Variants in MIDN observed in about 807,000 individuals in gnomAD.
MIDN encodes midnolin, also known as midbrain nucleolar protein.
A neutral mutation model predicts 46.1 loss-of-function variants in MIDN; 26 were observed. The observed-to-expected ratio is 0.56, with a 90% CI of 0.41 to 0.78. The LOEUF is 0.78. Ranked by LOEUF, MIDN falls within the 30% of genes least tolerant of loss-of-function variation. MIDN has a pLI of 0.00. For missense variants in MIDN, 850 were observed against 771.8 expected, an observed-to-expected ratio of 1.10 and a Z score of -1.20; for synonymous variants, 432 against 343.3, an observed-to-expected ratio of 1.26 and a Z score of -2.86.
intron 2 of MIDN, among the ~76,000 whole-genome samples, chr19:1,250,848 G>A (rs1316462399): frequency 6.6e-6 from 1 of 152,016 alleles, no homozygotes; most frequent in Admixed American, 6.5e-5. Context: ...GCCTGCGTCC[G>A]CGCCGGCTTC....
rs562682759 is a variant in MIDN, at chr19:1,256,481, CA to C, written c.1259-496del. On this transcript the variant is annotated intron_variant, in intron 8 of 8. Coordinates refer to ENST00000682408, the MANE Select transcript of MIDN (RefSeq NM_001388306.1). ...TGGGCGACAGAGCGAGACTCCGTCT[CA>C]AAAAAAAAAAAAAAAAACCAAGGTA... Among the ~76,000 whole-genome samples the C allele has an allele frequency of 3.5e-3, 200 of 56,496 alleles. 1 individual carries two copies. Among genetic ancestry groups the C allele is most frequent in the Middle Eastern group, 0.012 (1 of 82 alleles). The allele number at this position is 56,496 out of a possible 152,430, so 37.1% of individuals were successfully genotyped here. A position where few individuals can be genotyped will look rare whatever the true frequency, so the allele number is the denominator to read the frequency against.
intron 5 of MIDN, 33 bp from the exon 6 acceptor site, chr19:1,254,134 G>A (rs1189563188): frequency 6.3e-7 from 1 of 1,575,342 alleles, no homozygotes; most frequent in Non-Finnish European, 8.6e-7. Context: ...CCGCAAGCTG[G>A]GGCTCCCAGC....
chr19:1,251,616 G>A lies in MIDN; in HGVS notation c.288G>A (p.Leu96=). The A allele has an allele frequency of 6.2e-7, 1 of 1,607,648 alleles. No individual in the cohort carries two copies. Among genetic ancestry groups the A allele is most frequent in the Non-Finnish European group, 8.5e-7 (1 of 1,177,924 alleles). Residue 96 remains leucine, a synonymous_variant, in exon 3 of 9, where the codon CTG becomes CTA. Transcript: ENST00000682408. The part of the protein sequence containing the change: ...QEFGVGDGSK[L]TLVPTVEAGL... Reference sequence around the variant, plus strand: ...TCGGCGTGGGTGATGGCAGCAAGCTGACCTTGGTACCCACCGTGGAAGCGG... The same window carrying A: ...TCGGCGTGGGTGATGGCAGCAAGCTAACCTTGGTACCCACCGTGGAAGCGG...
At chr19:1,251,486 C>A in intron 2 of MIDN, 76 bp from the exon 3 acceptor site, 1 of 1,327,540 alleles carries the variant, frequency 7.5e-7, no homozygotes, top group East Asian at 2.4e-5. Flanking sequence ...ACAAGCACAG[C>A]CCTCCCCCGC....
chr19:1,255,054 C>T lies in MIDN; in HGVS notation c.978C>T (p.Thr326=). 1.9e-6 allele frequency: 3 copies of T among 1,612,216 alleles called. No homozygotes were observed. Among genetic ancestry groups the T allele is most frequent in the Non-Finnish European group, 2.5e-6 (3 of 1,179,130 alleles). Residue 326 remains threonine, a synonymous_variant, in exon 7 of 9, where the codon ACC becomes ACT. Transcript: ENST00000682408. ...VNHAPGVFSG[T]FSGTLHPNCQ... is the part of the protein sequence containing the mutation. ...ACGCCCCGGGGGTCTTCTCAGGGAC[C>T]TTCTCTGGTAGGTGTCACAGCACAT... is the stretch of plus-strand genomic sequence containing the variant.
Position 1,249,645 on chromosome 19 carries a change from C to T in MIDN, c.-407-245C>T, listed in dbSNP as rs1436513993. Among the ~76,000 whole-genome samples, 5 of 148,226 alleles carry T rather than the reference C, an allele frequency of 3.4e-5. No homozygotes were observed. In the East Asian group the frequency reaches 1.0e-3, roughly 30 times the overall value. On this transcript the variant is annotated intron_variant, in intron 1 of 8. Coordinates refer to ENST00000682408, the MANE Select transcript of MIDN (RefSeq NM_001388306.1). ...GCGCGGAGAGGCGCCAGCCCCGCCCCCGCTGCGCTCCCCTTGGTCGCCTGG... is the reference window on the plus strand; with the variant it reads ...GCGCGGAGAGGCGCCAGCCCCGCCCTCGCTGCGCTCCCCTTGGTCGCCTGG...
intron 4 of MIDN, chr19:1,253,546 T>G (rs1315423506): frequency 1.3e-5 from 2 of 154,646 alleles, no homozygotes; most frequent in Non-Finnish European, 2.9e-5. Context: ...ATTGAGGGTT[T>G]CTGTGCTTGG....
chr19:1,249,861 CTT>C (rs1028086422), intron 1 of MIDN, 27 bp from the exon 2 acceptor site: 1 of 151,882 alleles, frequency 6.6e-6, no homozygotes, highest in Non-Finnish European at 1.5e-5. Context: ...TACATTATAA[CTT>C]TTTTTTCTTG....
At position 1,250,280 on chromosome 19, in the gene MIDN, C is replaced by A. The variant is rs2081107775; in HGVS notation, c.-17C>A. The A allele has an allele frequency of 1.0e-6, 1 of 970,676 alleles. No individual in the cohort carries two copies. Among genetic ancestry groups the A allele is most frequent in the South Asian group, 4.7e-5 (1 of 21,258 alleles). The allele number at this position is 970,676 out of a possible 1,614,324, so 60.1% of individuals were successfully genotyped here. A position where few individuals can be genotyped will look rare whatever the true frequency, so the allele number is the denominator to read the frequency against. ...TGGCGGCGCCCGCCGCCCCCAGCCC[C>A]CCAGCGCGCGCCGGGGATGGAGCCG... On this transcript the variant is annotated 5_prime_UTR_variant, in exon 2 of 9. Transcript: ENST00000682408.
rs1030399881 is a variant in MIDN, at chr19:1,257,405, T to C, written c.*133T>C. 6 of 665,652 alleles carry C rather than the reference T, an allele frequency of 9.0e-6. No homozygotes were observed. The highest frequency in any genetic ancestry group is 7.6e-5 in the African/African-American group (4 of 52,942). The allele number at this position is 665,652 out of a possible 1,614,324, so 41.2% of individuals were successfully genotyped here. A position where few individuals can be genotyped will look rare whatever the true frequency, so the allele number is the denominator to read the frequency against. On this transcript the variant is annotated 3_prime_UTR_variant, in exon 9 of 9. Transcript: ENST00000682408. Reference sequence around the variant, plus strand: ...CCCCCAGCCAGAAGTCTTTTTTTCTTTTCTTCTTTTTTATTATTTTTTTCT... The same window carrying C: ...CCCCCAGCCAGAAGTCTTTTTTTCTCTTCTTCTTTTTTATTATTTTTTTCT...
At chr19:1,256,280 G>T (rs2081197990) in intron 8 of MIDN, among the ~76,000 whole-genome samples, 1 of 152,182 alleles carries the variant, frequency 6.6e-6, no homozygotes, top group African/African-American at 2.4e-5. Context: ...TCAGGAGATC[G>T]AGACCATCTT....
Position 1,255,595 on chromosome 19 carries a change from G to A in MIDN, c.1159G>A (p.Asp387Asn), listed in dbSNP as rs537901815. The A allele has an allele frequency of 1.2e-5, 19 of 1,610,120 alleles. No homozygotes were observed. Among genetic ancestry groups the A allele is most frequent in the East Asian group, 6.7e-5 (3 of 44,878 alleles). ...GTGCTCCCCGGCCTCACCGGCCCCC[G>A]ACCTGGCCCCCAGAACTACCTCCTG... is the stretch of plus-strand genomic sequence containing the variant. The part of the protein sequence containing the change: ...AQCSPASPAP[D>N]LAPRTTSCEK... Residue 387 changes from aspartate (D) to asparagine (N), a missense_variant, in exon 8 of 9, where the codon GAC (aspartate) becomes AAC (asparagine). By Grantham distance (23) the Asp-to-Asn change is conservative. Coordinates refer to ENST00000682408, the MANE Select transcript of MIDN (RefSeq NM_001388306.1).
intron 1 of MIDN, among the ~76,000 whole-genome samples, chr19:1,249,358 G>A (rs1163671608): frequency 1.3e-5 from 2 of 150,464 alleles, no homozygotes; most frequent in Non-Finnish European, 3.0e-5. Context: ...CCCCGGCCAC[G>A]AGGCGCGGAC....
In MIDN at chr19:1,257,437, A is replaced by G. The variant is rs1353605655; in HGVS notation, c.*165A>G. ...TTTTTTATTATTTTTTTCTTTTTTT[A>G]AAAAGTTCTGACCGTGGTTTCCTGG... is the stretch of plus-strand genomic sequence containing the variant. On this transcript the variant is annotated 3_prime_UTR_variant, in exon 9 of 9. Transcript: ENST00000682408. The G allele has an allele frequency of 5.0e-6, 3 of 603,730 alleles. No individual in the cohort carries two copies. The African/African-American group carries it at 5.8e-5, about 12-fold the overall frequency. The allele number at this position is 603,730 out of a possible 1,614,324, so 37.4% of individuals were successfully genotyped here.
Position 1,257,274 on chromosome 19 carries a change from A to C in MIDN, c.*2A>C. On this transcript the variant is annotated 3_prime_UTR_variant, in exon 9 of 9. Transcript: ENST00000682408. ...AAGTCAGAGTTCGTGGTGGCTTAGG[A>C]TCTTCGGATCGGCCACCCTCGCCCC... 1 of 1,611,020 alleles carries C rather than the reference A, an allele frequency of 6.2e-7. No homozygotes were observed. Among genetic ancestry groups the C allele is most frequent in the Non-Finnish European group, 8.5e-7 (1 of 1,179,134 alleles).
rs900524174 is a variant in MIDN, at chr19:1,257,545, C to G, written c.*273C>G. On this transcript the variant is annotated 3_prime_UTR_variant, in exon 9 of 9. Transcript: ENST00000682408. ...CTCCTCCTCCTCCTCCTCCGTCTGT[C>G]TCCTTTCACCTCTGCGCCAGGTCGG... 1 of 377,912 alleles carries G rather than the reference C, an allele frequency of 2.6e-6. No individual in the cohort carries two copies. The highest frequency in any genetic ancestry group is 4.7e-6 in the Non-Finnish European group (1 of 213,032). 23.4% of individuals were successfully genotyped at this position (377,912 alleles called of 1,614,324 possible). A position where few individuals can be genotyped will look rare whatever the true frequency, so the allele number is the denominator to read the frequency against.
chr19:1,251,063 G>A (rs1329690920), intron 2 of MIDN, among the ~76,000 whole-genome samples: 1 of 151,982 alleles, frequency 6.6e-6, no homozygotes, highest in Non-Finnish European at 1.5e-5. Flanking sequence ...TCGGGGGAGG[G>A]GCGGAGGGGG....
chr19:1,254,639 T>C (rs1259353896), intron 6 of MIDN, among the ~76,000 whole-genome samples, 161 bp downstream of exon 6: 7 of 151,684 alleles, frequency 4.6e-5, no homozygotes, highest in Non-Finnish European at 8.8e-5. Context: ...CCAGCCTAGA[T>C]TGGTGGGGTA....
At chr19:1,249,686 C>T (rs982470296) in intron 1 of MIDN, among the ~76,000 whole-genome samples, 3 of 118,484 alleles carry the variant, frequency 2.5e-5, no homozygotes, top group African/African-American at 8.4e-5. Flanking sequence ...GGGGGCGGGG[C>T]GAGGGGGCGG....
Sources: gnomAD v4.1 joint callset for allele counts (sites outside exome capture counted in the v4.1 genomes callset) on GRCh38, gnomAD v4.1.1 for gene constraint, MANE v1.5 for transcripts, NCBI Gene and HGNC (gene_info 2026-07-23, HGNC 2026-07-21) for gene names.